ALAS2: variants seen among roughly 807,000 people sequenced by gnomAD.
The protein encoded by ALAS2 is 5-aminolevulinate synthase, erythroid-specific, mitochondrial.
ALAS2 carries 3 observed loss-of-function variants against 33.7 expected under a neutral mutation model. That is an observed-to-expected ratio of 0.09 (90% confidence interval 0.04 to 0.23). The LOEUF is 0.23. ALAS2 is among the 10% of genes least tolerant of loss of function. The pLI is 1.00. For synonymous variants in ALAS2, 191 were observed against 177.3 expected, an observed-to-expected ratio of 1.08 and a Z score of -0.61; for missense variants, 304 against 475.1, an observed-to-expected ratio of 0.64 and a Z score of 3.35.
chrX:55,021,353 G>C lies in ALAS2; in HGVS notation c.416-79C>G, dbSNP rs1390298790. 3 of 823,694 alleles carry C rather than the reference G, an allele frequency of 3.6e-6. No individual in the cohort carries two copies. In the African/African-American group the frequency reaches 6.0e-5, roughly 17 times the overall value. The allele number at this position is 823,694 out of a possible 1,213,427, so 67.9% of individuals were successfully genotyped here. A position where few individuals can be genotyped will look rare whatever the true frequency, so the allele number is the denominator to read the frequency against. Reference sequence around the variant, plus strand: ...TAGTCTGTATTTTACCCATGTTGCTGATTTTGAGTTCTCCAACTCTTTTTC... The same window carrying C: ...TAGTCTGTATTTTACCCATGTTGCTCATTTTGAGTTCTCCAACTCTTTTTC... On this transcript the variant is annotated intron_variant, in intron 4 of 10. Transcript: ENST00000650242.
At chrX:55,015,959 C>CTGTGTGTGTGTGTG (rs56109492) in intron 7 of ALAS2, among the ~76,000 whole-genome samples, 1 of 80,162 alleles carries the variant, frequency 1.2e-5, no homozygotes, top group Non-Finnish European at 2.4e-5. Flanking sequence ...CTCTGTCTCT[C>CTGTGTGTGTGTGTG]TGTGTGTGTG....
Position 55,017,600 on chromosome X carries a change from C to T in ALAS2, c.889G>A (p.Ala297Thr). ...TTGTGCCTGAAGACAAACTTGGCTG[C>T]TCCACTGTTACGGATACCTTGGATC... The part of the protein sequence containing the change: ...SMIQGIRNSG[A>T]AKFVFRHNDP... Residue 297 changes from alanine (A) to threonine (T), a missense_variant, in exon 7 of 11, where the codon GCA becomes ACA. This residue lies in a region of ALAS2 where 138 missense variants were observed against 265.3 expected (regional missense o/e 0.52). Transcript: ENST00000650242. The T allele has an allele frequency of 8.3e-7, 1 of 1,211,685 alleles. No homozygotes were observed. Among genetic ancestry groups the T allele is most frequent in the South Asian group, 1.8e-5 (1 of 56,979 alleles).
chrX:55,014,830 G>A lies in ALAS2; in HGVS notation c.1354C>T (p.Arg452Cys), dbSNP rs137852311. 2 of 1,204,524 alleles carry A rather than the reference G, an allele frequency of 1.7e-6. No individual in the cohort carries two copies. The highest frequency in any genetic ancestry group is 2.2e-6 in the Non-Finnish European group (2 of 891,808). ...EGQALRRAHQ[R>C]NVKHMRQLLM... is the part of the protein sequence containing the mutation. ...AGCTGGCGCATGTGCTTGACATTGC[G>A]CTGGTGGGCTCGCCTCAGGGCTTGG... Residue 452 changes from arginine to cysteine, a missense_variant, in exon 9 of 11, where the codon CGC becomes TGC. Transcript: ENST00000650242.
chrX:55,029,167 T>G (rs976532377), intron 1 of ALAS2, among the ~76,000 whole-genome samples: 7 of 112,152 alleles, frequency 6.2e-5, no homozygotes, highest in African/African-American at 2.3e-4. Context: ...GGAAGTCACA[T>G]GAATATACCA....
At chrX:55,024,514 G>T (rs886309600) in intron 3 of ALAS2, among the ~76,000 whole-genome samples, 7 of 111,896 alleles carry the variant, frequency 6.3e-5, no homozygotes, top group African/African-American at 2.0e-4. Context: ...AAAGTTTCAG[G>T]AGCCCGTACA....
chrX:55,029,193 G>T (rs1362369806), intron 1 of ALAS2, among the ~76,000 whole-genome samples: 2 of 112,046 alleles, frequency 1.8e-5, no homozygotes. Context: ...GGTTTGGGAA[G>T]CTAGAGAATT....
chrX:55,027,720 T>C, intron 1 of ALAS2: 1 of 1,204,460 alleles, frequency 8.3e-7, no homozygotes, highest in Non-Finnish European at 1.1e-6. Context: ...CCTCCCTTCC[T>C]GATCTCATAG....
chrX:55,020,116 C>A (rs1935774860), intron 6 of ALAS2, among the ~76,000 whole-genome samples: 1 of 111,289 alleles, frequency 9.0e-6, no homozygotes, highest in African/African-American at 3.3e-5. Context: ...GTAATGTTCC[C>A]CGGTAATGGT....
intron 9 of ALAS2, among the ~76,000 whole-genome samples, chrX:55,014,367 T>C (rs1380200332): frequency 8.9e-6 from 1 of 112,011 alleles, no homozygotes; most frequent in Non-Finnish European, 1.9e-5. Flanking sequence ...AAATTGATGA[T>C]ACCCTTAGTA....
intron 3 of ALAS2, among the ~76,000 whole-genome samples, chrX:55,024,211 A>G (rs980070696): frequency 1.8e-5 from 2 of 111,872 alleles, no homozygotes; most frequent in Middle Eastern, 4.6e-3. Flanking sequence ...TTAAATTTCA[A>G]TTTTGAAGTT....
intron 10 of ALAS2, among the ~76,000 whole-genome samples, 182 bp from the exon 11 acceptor site, chrX:55,009,525 G>A (rs1935566117): frequency 9.0e-6 from 1 of 111,560 alleles, no homozygotes; most frequent in Admixed American, 9.5e-5. Context: ...TCTGGATGCT[G>A]GGATATATAT....
At chrX:55,010,436 A>T (rs757793940) in intron 10 of ALAS2, among the ~76,000 whole-genome samples, 6 of 111,374 alleles carry the variant, frequency 5.4e-5, no homozygotes, top group Non-Finnish European at 1.1e-4. Context: ...ACCATACCCT[A>T]TACAATCTGG....
At chrX:55,009,892 G>T (rs1024607532) in intron 10 of ALAS2, among the ~76,000 whole-genome samples, 4 of 111,160 alleles carry the variant, frequency 3.6e-5, no homozygotes, top group Non-Finnish European at 7.5e-5. Context: ...TATGCTGATG[G>T]TTCAGAAATT....
At chrX:55,029,783 G>A (rs1167365208) in intron 1 of ALAS2, among the ~76,000 whole-genome samples, 2 of 111,774 alleles carry the variant, frequency 1.8e-5, no homozygotes, top group Non-Finnish European at 3.8e-5. Context: ...AGAGATGATG[G>A]TGAAATTTGA....
intron 5 of ALAS2, 137 bp downstream of exon 5, chrX:55,020,915 A>G: frequency 1.9e-6 from 1 of 535,337 alleles, no homozygotes; most frequent in Non-Finnish European, 3.2e-6. Flanking sequence ...CAAGGAATAG[A>G]TATGATGGAG....
chrX:55,021,243 G>T lies in ALAS2; in HGVS notation c.447C>A (p.Phe149Leu). Residue 149 changes from phenylalanine (F) to leucine (L), a missense_variant, in exon 5 of 11, where the codon TTC becomes TTA. Phe to Leu is a conservative substitution (Grantham distance 22). Transcript: ENST00000650242. ...GTTTCTTCTCCATGATCTTGTCCCTGAAAAACTGGTCATAACTGAAGACAT... is the reference window on the plus strand; with the variant it reads ...GTTTCTTCTCCATGATCTTGTCCCTTAAAAACTGGTCATAACTGAAGACAT... Reference protein sequence around the residue: ...GNYVFSYDQFFRDKIMEKKQD... With the variant: ...GNYVFSYDQFLRDKIMEKKQD... 1 of 1,211,530 alleles carries T rather than the reference G, an allele frequency of 8.3e-7. No individual in the cohort carries two copies. The highest frequency in any genetic ancestry group is 1.1e-6 in the Non-Finnish European group (1 of 895,050).
At position 55,026,027 on chromosome X, in the gene ALAS2, A is replaced by G; in HGVS notation, c.-15-12T>C. On this transcript the variant is annotated splice_polypyrimidine_tract_variant and intron_variant, in intron 1 of 10. Coordinates refer to ENST00000650242, the MANE Select transcript of ALAS2 (RefSeq NM_000032.5). Reference sequence around the variant, plus strand: ...TTGAACCTAAAGTCCTGCAGAAGACATGGAAGAGATGAGGTTCCATCATGA... The same window carrying G: ...TTGAACCTAAAGTCCTGCAGAAGACGTGGAAGAGATGAGGTTCCATCATGA... 1 of 1,199,421 alleles carries G rather than the reference A, an allele frequency of 8.3e-7. No homozygotes were observed. Among genetic ancestry groups the G allele is most frequent in the Non-Finnish European group, 1.1e-6 (1 of 887,704 alleles).
intron 1 of ALAS2, among the ~76,000 whole-genome samples, chrX:55,028,653 C>G (rs1444037368): frequency 9.0e-6 from 1 of 111,401 alleles, no homozygotes; most frequent in Non-Finnish European, 1.9e-5. Flanking sequence ...CTTTCAAGCT[C>G]CTGTTCTCAT....
chrX:55,018,720 AATTTGG>A (rs1256789279), intron 6 of ALAS2, among the ~76,000 whole-genome samples: 1 of 111,357 alleles, frequency 9.0e-6, no homozygotes, highest in African/African-American at 3.3e-5. Flanking sequence ...TGTGATAAGA[AATTTGG>A]ATTTGGTCCT....
Sources: gnomAD v4.1 joint callset for allele counts (sites outside exome capture counted in the v4.1 genomes callset) on GRCh38, gnomAD v4.1.1 for gene constraint, gnomAD v4.1.1 regional missense constraint, MANE v1.5 for transcripts, NCBI Gene and HGNC (gene_info 2026-07-23, HGNC 2026-07-21) for gene names.